Variants in GGH observed in about 807,000 individuals in gnomAD.
GGH encodes the protein gamma-Glu-X carboxypeptidase.
A neutral mutation model predicts 39.2 loss-of-function variants in GGH; 18 were observed. The ratio of observed to expected loss-of-function variants is 0.46; its 90% CI spans 0.32 to 0.68. The LOEUF (loss-of-function observed/expected upper bound fraction) is 0.68, where lower values mean the gene tolerates loss of function less well. GGH is among the 30% of genes least tolerant of loss of function. The pLI is 0.04. For missense variants in GGH, 367 were observed against 384.1 expected (o/e 0.96, Z 0.37); for synonymous variants, 147 against 138.8 (o/e 1.06, Z -0.42).
At chr8:63,034,015 A>ATATATTTT (rs1804854453) in intron 2 of GGH, among the ~76,000 whole-genome samples, 1 of 145,246 alleles carries the variant, frequency 6.9e-6, no homozygotes, top group African/African-American at 2.5e-5. Flanking sequence ...CTCCTTATAT[A>ATATATTTT]TATATATAAT....
At chr8:63,030,916 T>C (rs1804790987) in intron 2 of GGH, among the ~76,000 whole-genome samples, 1 of 152,314 alleles carries the variant, frequency 6.6e-6, no homozygotes, top group South Asian at 2.1e-4. Context: ...ATCTGTGACA[T>C]ATGGTGACAA....
chr8:63,027,127 G>A (rs938299609), intron 4 of GGH, 54 bp downstream of exon 4: 28 of 852,710 alleles, frequency 3.3e-5, no homozygotes, highest in Admixed American at 1.4e-4. Context: ...TGAACCACTC[G>A]CACAAAAACT....
intron 8 of GGH, 66 bp from the exon 9 acceptor site, chr8:63,015,519 A>G (rs1432695698): frequency 9.8e-7 from 1 of 1,023,466 alleles, no homozygotes; most frequent in African/African-American, 1.6e-5. Flanking sequence ...CTATTTTATA[A>G]TATTTCTTCC....
intron 2 of GGH, 91 bp downstream of exon 2, chr8:63,035,564 CA>C: frequency 1.3e-6 from 2 of 1,493,178 alleles, no homozygotes; most frequent in Non-Finnish European, 1.8e-6. Context: ...CTTGGCCTCC[CA>C]AAGTGCTAGA....
intron 1 of GGH, among the ~76,000 whole-genome samples, chr8:63,037,048 G>C (rs1804923474): frequency 6.6e-6 from 1 of 152,118 alleles, no homozygotes; most frequent in Non-Finnish European, 1.5e-5. Context: ...CTCCTATTCA[G>C]CACTTCAGCA....
chr8:63,024,320 A>C, intron 5 of GGH, 134 bp from the exon 6 acceptor site: 1 of 589,128 alleles, frequency 1.7e-6, no homozygotes, highest in South Asian at 2.3e-5. Context: ...AAAACACATC[A>C]TTTCCATAGA....
chr8:63,018,671 ACTAC>A (rs1804530756), intron 7 of GGH, among the ~76,000 whole-genome samples: 1 of 152,192 alleles, frequency 6.6e-6, no homozygotes, highest in South Asian at 2.1e-4. Context: ...CTATTCTGGG[ACTAC>A]CTGTGAAGCT....
chr8:63,018,200 T>C (rs1563666142), intron 7 of GGH, among the ~76,000 whole-genome samples: 4 of 152,130 alleles, frequency 2.6e-5, no homozygotes, highest in Admixed American at 2.0e-4. Flanking sequence ...CTGTTGACAA[T>C]TGTCAAAGCT....
At chr8:63,034,646 G>T (rs909562541) in intron 2 of GGH, among the ~76,000 whole-genome samples, 17 of 152,102 alleles carry the variant, frequency 1.1e-4, no homozygotes, top group African/African-American at 3.1e-4. Flanking sequence ...AAAATGAGAT[G>T]AATCATTTTA....
chr8:63,023,887 T>C lies in GGH; in HGVS notation c.697+20A>G, dbSNP rs760718102. The C allele has an allele frequency of 2.1e-6, 3 of 1,439,602 alleles. No individual in the cohort carries two copies. Among genetic ancestry groups the C allele is most frequent in the South Asian group, 2.7e-5 (2 of 72,762 alleles). 89.2% of individuals were successfully genotyped at this position (1,439,602 alleles called of 1,614,324 possible). ...AATATAAAATAAGTGAAATAAAGTA[T>C]ACATGTTATAGTGATATACCTTCCA... On this transcript the variant is annotated intron_variant, in intron 7 of 8. Transcript: ENST00000260118.
chr8:63,017,139 T>G (rs1271221508), intron 8 of GGH, among the ~76,000 whole-genome samples: 2 of 151,992 alleles, frequency 1.3e-5, no homozygotes, highest in Non-Finnish European at 2.9e-5. Context: ...TGCAATAAGC[T>G]ATGATCACAT....
chr8:63,031,463 T>C (rs1250661356), intron 2 of GGH, among the ~76,000 whole-genome samples: 1 of 152,112 alleles, frequency 6.6e-6, no homozygotes, highest in Non-Finnish European at 1.5e-5. Flanking sequence ...TCTCCCCAGA[T>C]TGTGGCAACA....
At chr8:63,019,818 T>A (rs1804552906) in intron 7 of GGH, among the ~76,000 whole-genome samples, 2 of 152,214 alleles carry the variant, frequency 1.3e-5, no homozygotes, top group Non-Finnish European at 2.9e-5. Context: ...TGGGAAGCCA[T>A]TAGGACCTTA....
At chr8:63,035,281 G>A (rs1380436091) in intron 2 of GGH, among the ~76,000 whole-genome samples, 1 of 152,164 alleles carries the variant, frequency 6.6e-6, no homozygotes, top group East Asian at 1.9e-4. Flanking sequence ...TCATAAGAGA[G>A]AAAGCACGAA....
intron 2 of GGH, among the ~76,000 whole-genome samples, chr8:63,032,622 C>T (rs1338709791): frequency 6.6e-6 from 1 of 152,182 alleles, no homozygotes; most frequent in Non-Finnish European, 1.5e-5. Flanking sequence ...CTCCCAGCAT[C>T]CAAAATTCAG....
intron 7 of GGH, chr8:63,018,086 G>GTC (rs1292307089): frequency 6.5e-6 from 1 of 152,678 alleles, no homozygotes; most frequent in Non-Finnish European, 1.5e-5. Context: ...CCTAAACTGT[G>GTC]TCTCTCTCTC....
intron 7 of GGH, among the ~76,000 whole-genome samples, chr8:63,018,288 A>G (rs1804523739): frequency 6.6e-6 from 1 of 152,170 alleles, no homozygotes; most frequent in Non-Finnish European, 1.5e-5. Flanking sequence ...TCAAAAAAAA[A>G]GTGAATATGT....
rs373468426 is a variant in GGH at position 63,021,953 on chromosome 8, C to G, written c.697+1954G>C. Among the ~76,000 whole-genome samples the G allele has an allele frequency of 3.3e-4, 50 of 152,248 alleles. No homozygotes were observed. The East Asian group carries it at 7.9e-3, about 24-fold the overall frequency. ...TCTCTGAAAGTGCTGGGATTACAGG[C>G]GTGAGCCACCATGCCCAGACCTCAT... On this transcript the variant is annotated intron_variant, in intron 7 of 8. Coordinates refer to ENST00000260118, the MANE Select transcript of GGH (RefSeq NM_003878.3).
Position 63,021,477 on chromosome 8 carries a change from C to T in GGH, c.697+2430G>A, listed in dbSNP as rs775595082. 1.7e-4 allele frequency among the ~76,000 whole-genome samples: 26 copies of T among 152,244 alleles called. 1 individual carries two copies. The highest frequency in any genetic ancestry group is 3.4e-3 in the Middle Eastern group (1 of 294). On this transcript the variant is annotated intron_variant, in intron 7 of 8. Coordinates refer to ENST00000260118, the MANE Select transcript of GGH (RefSeq NM_003878.3). ...TAAGTGCATGACAGCACCTGCTGTG[C>T]GACATCCTGGGTAACACTAGTTATC...
Sources: allele counts gnomAD v4.1 joint callset (sites outside exome capture counted in the v4.1 genomes callset), GRCh38; gene constraint gnomAD v4.1.1; transcripts MANE v1.5; gene names NCBI Gene and HGNC (gene_info 2026-07-23, HGNC 2026-07-21).